TTC7A: variants seen among roughly 807,000 people sequenced by gnomAD.
TTC7A encodes the protein tetratricopeptide repeat domain 7A, also known as tetratricopeptide repeat protein 7A.
TTC7A carries 110 observed loss-of-function variants against 103.7 expected under a neutral mutation model. The observed-to-expected ratio is 1.06, with a 90% confidence interval of 0.91 to 1.24. The LOEUF (loss-of-function observed/expected upper bound fraction) is 1.24, where lower values mean the gene tolerates loss of function less well. Ranked by LOEUF, TTC7A falls within the 50% of genes most tolerant of loss-of-function variation. TTC7A has a pLI of 0.00. For synonymous variants in TTC7A, 521 were observed against 467.9 expected, an observed-to-expected ratio of 1.11 and a Z score of -1.47; for missense variants, 1,340 against 1,116.3, an observed-to-expected ratio of 1.20 and a Z score of -2.86.
At chr2:46,925,312 C>T (rs1669329906) in intron 2 of TTC7A, among the ~76,000 whole-genome samples, 1 of 152,132 alleles carries the variant, frequency 6.6e-6, no homozygotes, top group Non-Finnish European at 1.5e-5. Flanking sequence ...AATCCCAGCA[C>T]TTTGGGAGGC....
chr2:47,052,894 G>A (rs568649959), intron 18 of TTC7A, among the ~76,000 whole-genome samples: 3 of 152,306 alleles, frequency 2.0e-5, no homozygotes, highest in South Asian at 2.1e-4. Flanking sequence ...CCCAGGGGGG[G>A]AGTTGGAGAA....
At chr2:46,965,631 G>A (rs933116148) in intron 3 of TTC7A, among the ~76,000 whole-genome samples, 4 of 147,044 alleles carry the variant, frequency 2.7e-5, no homozygotes, top group Admixed American at 1.4e-4. Flanking sequence ...ATGCGATCTC[G>A]GCTCACTGCA....
intron 8 of TTC7A, among the ~76,000 whole-genome samples, chr2:46,999,007 A>G (rs1676509192): frequency 6.6e-6 from 1 of 152,190 alleles, no homozygotes; most frequent in African/African-American, 2.4e-5. Flanking sequence ...TTAAAAATCC[A>G]CATACTTATC....
chr2:46,994,792 C>T (rs1165037486), intron 7 of TTC7A, among the ~76,000 whole-genome samples: 2 of 152,234 alleles, frequency 1.3e-5, no homozygotes, highest in Admixed American at 1.3e-4. Context: ...ACCTCTCTCT[C>T]GCTTGTGCCA....
intron 5 of TTC7A, among the ~76,000 whole-genome samples, chr2:46,979,547 G>T (rs148490017): frequency 6.6e-6 from 1 of 152,312 alleles, no homozygotes; most frequent in African/African-American, 2.4e-5. Context: ...CCTTCCGTAG[G>T]CTTTTGCTCC....
At chr2:46,976,934 GC>G (rs1673942193) in intron 4 of TTC7A, among the ~76,000 whole-genome samples, 1 of 152,234 alleles carries the variant, frequency 6.6e-6, no homozygotes, top group African/African-American at 2.4e-5. Context: ...TTTGGCAGAG[GC>G]CACTTAAAGG....
chr2:47,041,262 G>C (rs1681713905), intron 15 of TTC7A, among the ~76,000 whole-genome samples: 2 of 152,358 alleles, frequency 1.3e-5, no homozygotes, highest in East Asian at 1.9e-4. Flanking sequence ...GGGGAATCAA[G>C]TAACAGGCTC....
At chr2:46,927,425 C>T (rs1174570069) in intron 2 of TTC7A, among the ~76,000 whole-genome samples, 2 of 146,424 alleles carry the variant, frequency 1.4e-5, no homozygotes, top group South Asian at 2.1e-4. Flanking sequence ...GGCGTGATCT[C>T]GGCTCACTGC....
chr2:47,043,174 C>T (rs941305661), intron 15 of TTC7A, among the ~76,000 whole-genome samples: 1 of 152,224 alleles, frequency 6.6e-6, no homozygotes, highest in Non-Finnish European at 1.5e-5. Flanking sequence ...GCTCCTTAGT[C>T]AGAAGAGCAG....
At chr2:47,021,300 C>A (rs546733236) in intron 11 of TTC7A, among the ~76,000 whole-genome samples, 1 of 152,224 alleles carries the variant, frequency 6.6e-6, no homozygotes, top group African/African-American at 2.4e-5. Context: ...CCACCTTGTG[C>A]GTGCCCCTCT....
intron 18 of TTC7A, 64 bp from the exon 19 acceptor site, chr2:47,060,705 A>G: frequency 1.4e-6 from 2 of 1,462,548 alleles, no homozygotes; most frequent in Non-Finnish European, 1.9e-6. Flanking sequence ...GGATGCAGGG[A>G]GGGGGTCAGG....
chr2:46,993,851 A>G (rs542793155), intron 6 of TTC7A, among the ~76,000 whole-genome samples: 7 of 152,258 alleles, frequency 4.6e-5, no homozygotes, highest in Admixed American at 2.0e-4. Context: ...TTTGTTTATG[A>G]TCCTAATAAA....
rs190250043 is a variant in TTC7A, at chr2:46,974,969, G to A, written c.518-4G>A. Reference sequence around the variant, plus strand: ...AGGTCTGAGGCACCCTCTTCCTCCCGCAGGCCTCTCTCTGGAACGCCTACC... The same window carrying A: ...AGGTCTGAGGCACCCTCTTCCTCCCACAGGCCTCTCTCTGGAACGCCTACC... On this transcript the variant is annotated splice_region_variant and splice_polypyrimidine_tract_variant and intron_variant, in intron 3 of 19. Transcript: ENST00000319190. The A allele has an allele frequency of 7.4e-5, 120 of 1,612,742 alleles. No homozygotes were observed. Among genetic ancestry groups the A allele is most frequent in the Admixed American group, 1.7e-4 (10 of 59,974 alleles).
At chr2:46,960,494 TG>T (rs541226307) in intron 3 of TTC7A, among the ~76,000 whole-genome samples, 2 of 152,104 alleles carry the variant, frequency 1.3e-5, no homozygotes, top group Non-Finnish European at 2.9e-5. Context: ...TGTAGGGGGA[TG>T]GGGGGAAGCA....
At chr2:46,933,664 A>C (rs1322948920) in intron 2 of TTC7A, among the ~76,000 whole-genome samples, 1 of 152,248 alleles carries the variant, frequency 6.6e-6, no homozygotes, top group Non-Finnish European at 1.5e-5. Context: ...TTCCGAATGT[A>C]GCGATCCTGA....
chr2:47,050,095 A>C, intron 17 of TTC7A, 49 bp downstream of exon 17: 2 of 1,477,604 alleles, frequency 1.4e-6, no homozygotes, highest in Non-Finnish European at 1.9e-6. Flanking sequence ...CACAGCTCAC[A>C]CTCCCAGCTT....
intron 14 of TTC7A, among the ~76,000 whole-genome samples, chr2:47,026,236 G>A (rs1679902240): frequency 6.6e-6 from 1 of 152,206 alleles, no homozygotes; most frequent in African/African-American, 2.4e-5. Flanking sequence ...GGCCGGCACA[G>A]TGATGGCTGT....
intron 2 of TTC7A, among the ~76,000 whole-genome samples, chr2:46,918,827 A>G (rs888171164): frequency 1.3e-5 from 2 of 152,248 alleles, no homozygotes; most frequent in Admixed American, 1.3e-4. Context: ...GGGCAACTCT[A>G]CGTTGGAAAT....
At chr2:46,999,217 G>A (rs371722778) in intron 8 of TTC7A, among the ~76,000 whole-genome samples, 5 of 150,262 alleles carry the variant, frequency 3.3e-5, no homozygotes, top group African/African-American at 4.9e-5. Flanking sequence ...TCATTCATCC[G>A]TCTACCCACC....
Sources: allele counts gnomAD v4.1 joint callset (sites outside exome capture counted in the v4.1 genomes callset), GRCh38; gene constraint gnomAD v4.1.1; transcripts MANE v1.5; gene names NCBI Gene and HGNC (gene_info 2026-07-23, HGNC 2026-07-21).